RANBP17: variants seen among roughly 807,000 people sequenced by gnomAD.
RANBP17 encodes RAN binding protein 17.
Under a neutral mutation model 141.2 loss-of-function variants are expected in RANBP17, and 158 were observed. The ratio of observed to expected loss-of-function variants is 1.12; its 90% CI spans 0.98 to 1.28. The LOEUF is 1.28. RANBP17 is among the 50% of genes most tolerant of loss of function. The probability of loss-of-function intolerance (pLI) is 0.00; values close to 1 mark genes in which losing one functional copy is unlikely to be tolerated. For synonymous variants in RANBP17, 430 were observed against 450.0 expected, an observed-to-expected ratio of 0.96 and a Z score of 0.56; for missense variants, 1,438 against 1,290.7, an observed-to-expected ratio of 1.11 and a Z score of -1.75.
At chr5:171,212,601 G>A (rs1451061594) in intron 20 of RANBP17, among the ~76,000 whole-genome samples, 1 of 152,160 alleles carries the variant, frequency 6.6e-6, no homozygotes, top group East Asian at 1.9e-4. Flanking sequence ...TTTATTCTAA[G>A]AGCAAGGAAG....
intron 4 of RANBP17, among the ~76,000 whole-genome samples, chr5:170,893,007 C>G (rs764473202): frequency 6.6e-6 from 1 of 151,976 alleles, no homozygotes; most frequent in Non-Finnish European, 1.5e-5. Context: ...CTCCAACTTA[C>G]GATAAATTTT....
intron 14 of RANBP17, among the ~76,000 whole-genome samples, chr5:171,011,660 G>C (rs1399480289): frequency 6.6e-6 from 1 of 151,638 alleles, no homozygotes; most frequent in Non-Finnish European, 1.5e-5. Flanking sequence ...TTGAAAATAA[G>C]TTACATAACA....
intron 12 of RANBP17, among the ~76,000 whole-genome samples, chr5:170,948,707 T>G (rs565656811): frequency 3.3e-5 from 5 of 152,286 alleles, no homozygotes; most frequent in Admixed American, 3.3e-4. Context: ...GACAAACTGT[T>G]CCTAAAGTTC....
intron 22 of RANBP17, among the ~76,000 whole-genome samples, chr5:171,239,728 G>A (rs1027949480): frequency 4.6e-5 from 7 of 152,186 alleles, no homozygotes; most frequent in East Asian, 1.9e-4. Context: ...AGGCTGTTGC[G>A]TCTGCATAGC....
At chr5:170,950,619 T>TTA (rs2127491983) in intron 12 of RANBP17, among the ~76,000 whole-genome samples, 1 of 152,218 alleles carries the variant, frequency 6.6e-6, no homozygotes, top group Non-Finnish European at 1.5e-5. Context: ...AAGGGAACTC[T>TTA]TACACACTGG....
At chr5:170,921,309 G>C (rs928953563) in intron 11 of RANBP17, among the ~76,000 whole-genome samples, 1 of 152,120 alleles carries the variant, frequency 6.6e-6, no homozygotes, top group Non-Finnish European at 1.5e-5. Context: ...TTCTACATAT[G>C]GCTAGTCAGT....
chr5:170,939,456 T>G (rs1012135414), intron 12 of RANBP17, among the ~76,000 whole-genome samples: 23 of 151,964 alleles, frequency 1.5e-4, no homozygotes, highest in African/African-American at 5.3e-4. Context: ...GTGATCTCAG[T>G]TCATTGCAAC....
chr5:171,268,232 A>C (rs1581154395), intron 25 of RANBP17, among the ~76,000 whole-genome samples: 1 of 152,360 alleles, frequency 6.6e-6, no homozygotes, highest in Non-Finnish European at 1.5e-5. Flanking sequence ...CATTTCATTA[A>C]TATAGTGATG....
chr5:170,878,028 T>G, intron 1 of RANBP17, 69 bp from the exon 2 acceptor site: 1 of 1,137,710 alleles, frequency 8.8e-7, no homozygotes, highest in Non-Finnish European at 1.2e-6. Flanking sequence ...GTATCCCTTG[T>G]TTTTTGTGGT....
chr5:171,126,368 TAGAA>T (rs1756471682), intron 14 of RANBP17, among the ~76,000 whole-genome samples: 1 of 151,972 alleles, frequency 6.6e-6, no homozygotes, highest in Admixed American at 6.6e-5. Flanking sequence ...ATCAAAAAAG[TAGAA>T]AGATTTCAAA....
At position 170,956,576 on chromosome 5, in the gene RANBP17, G is replaced by A. The variant is rs191339113; in HGVS notation, c.1574+2874G>A. Among the ~76,000 whole-genome samples, 6 of 151,662 alleles carry A rather than the reference G, an allele frequency of 4.0e-5. No individual in the cohort carries two copies. The South Asian group carries it at 8.4e-4, about 21-fold the overall frequency. On this transcript the variant is annotated intron_variant, in intron 13 of 27. Transcript: ENST00000523189. ...CAAAAAATTTGCTACTCAATCTCTC[G>A]AGTAGCTGGGATTATAGGCATATGC...
intron 14 of RANBP17, among the ~76,000 whole-genome samples, chr5:171,167,731 C>T (rs562177509): frequency 6.6e-6 from 1 of 152,230 alleles, no homozygotes; most frequent in South Asian, 2.1e-4. Context: ...TAAAGCAGGG[C>T]ACACAGTAGG....
At chr5:171,125,296 CAAAA>C (rs3083436) in intron 14 of RANBP17, among the ~76,000 whole-genome samples, 2,441 of 85,930 alleles carry the variant, frequency 0.028, 54 homozygotes, top group African/African-American at 0.1. Context: ...GACTATGTAT[CAAAA>C]AAAAAAAAAA....
intron 14 of RANBP17, among the ~76,000 whole-genome samples, chr5:171,168,262 T>C (rs1009962793): frequency 2.0e-5 from 3 of 152,052 alleles, no homozygotes; most frequent in Non-Finnish European, 4.4e-5. Context: ...TCAGAGGAGA[T>C]GACTTTTGAA....
chr5:170,926,492 A>G (rs1163986528), intron 12 of RANBP17, among the ~76,000 whole-genome samples: 1 of 151,856 alleles, frequency 6.6e-6, no homozygotes, highest in African/African-American at 2.4e-5. Flanking sequence ...CCACCTCACC[A>G]CTGGATTGCT....
intron 14 of RANBP17, among the ~76,000 whole-genome samples, chr5:171,168,039 A>C (rs1759824285): frequency 6.6e-6 from 1 of 152,174 alleles, no homozygotes; most frequent in East Asian, 1.9e-4. Context: ...CTGCACATTA[A>C]AGCCACGTAG....
intron 13 of RANBP17, among the ~76,000 whole-genome samples, chr5:170,966,443 C>A (rs978237405): frequency 1.3e-5 from 2 of 152,092 alleles, no homozygotes; most frequent in African/African-American, 4.8e-5. Context: ...AGACAAAAAC[C>A]ACATGATTAT....
intron 14 of RANBP17, among the ~76,000 whole-genome samples, chr5:170,997,417 C>T (rs781232613): frequency 1.3e-4 from 20 of 152,138 alleles, no homozygotes; most frequent in Non-Finnish European, 2.1e-4. Flanking sequence ...TGTATTTTAA[C>T]AAGCACTTCT....
rs373563808 is a variant in RANBP17, at chr5:171,001,155, G to A, written c.1710+32778G>A. 1.3e-3 allele frequency among the ~76,000 whole-genome samples: 202 copies of A among 152,222 alleles called. 1 individual carries two copies. The highest frequency in any genetic ancestry group is 4.7e-3 in the African/African-American group (196 of 41,548). On this transcript the variant is annotated intron_variant, in intron 14 of 27. Coordinates refer to ENST00000523189, the MANE Select transcript of RANBP17 (RefSeq NM_022897.5). ...GGGCAATGTTTCTCAGGGCTGCTTC[G>A]AGGGGATTAGGGGCAGCATGAGAAC... is the stretch of plus-strand genomic sequence containing the variant.
Sources: gnomAD v4.1 joint callset for allele counts (sites outside exome capture counted in the v4.1 genomes callset) on GRCh38, gnomAD v4.1.1 for gene constraint, MANE v1.5 for transcripts, NCBI Gene and HGNC (gene_info 2026-07-23, HGNC 2026-07-21) for gene names.